TTLL3: variants seen among roughly 807,000 people sequenced by gnomAD.
TTLL3 encodes the protein tubulin tyrosine ligase like 3.
TTLL3 carries 63 observed loss-of-function variants against 75.2 expected under a neutral mutation model. The observed-to-expected ratio is 0.84, with a 90% CI of 0.68 to 1.03. The LOEUF is 1.03. Among genes scored for constraint, TTLL3 ranks in the 50% least tolerant of loss-of-function variants. TTLL3 has a pLI of 0.00. For synonymous variants in TTLL3, 393 were observed against 418.5 expected (o/e 0.94, Z 0.74); for missense variants, 997 against 1,069.9 (o/e 0.93, Z 0.95).
intron 2 of TTLL3, among the ~76,000 whole-genome samples, chr3:9,811,888 A>G (rs528952169): frequency 1.3e-5 from 2 of 151,958 alleles, no homozygotes; most frequent in African/African-American, 2.4e-5. Context: ...CTTCCTTTCA[A>G]CCTTCCCTGA....
intron 6 of TTLL3, 194 bp from the exon 7 acceptor site, chr3:9,818,628 A>G: frequency 7.1e-7 from 1 of 1,407,462 alleles, no homozygotes; most frequent in Non-Finnish European, 9.3e-7. Flanking sequence ...TCAGCCTCCC[A>G]AAGTGCTGGG....
chr3:9,833,255 C>T lies in TTLL3; in HGVS notation c.1825+10C>T, dbSNP rs781392980. On this transcript the variant is annotated intron_variant, in intron 12 of 13. Coordinates refer to ENST00000685419, the MANE Select transcript of TTLL3 (RefSeq NM_001387446.1). ...CGAGGCTCTGGGGAAGGCAAGGACT[C>T]GGGGACCCCTACCCACAGGTCAGCT... is the stretch of plus-strand genomic sequence containing the variant. 2.5e-6 allele frequency: 4 copies of T among 1,613,280 alleles called. No homozygotes were observed. The highest frequency in any genetic ancestry group is 1.1e-5 in the South Asian group (1 of 91,040).
chr3:9,819,205 C>T lies in TTLL3; in HGVS notation c.658+285C>T, dbSNP rs528400548. 6.8e-6 allele frequency: 3 copies of T among 441,302 alleles called. No individual in the cohort carries two copies. The East Asian group carries it at 1.3e-4, about 19-fold the overall frequency. 27.3% of individuals were successfully genotyped at this position (441,302 alleles called of 1,614,324 possible). A position where few individuals can be genotyped will look rare whatever the true frequency, so the allele number is the denominator to read the frequency against. On this transcript the variant is annotated intron_variant, in intron 7 of 13. Transcript: ENST00000685419. ...ACCCATTGTTAATCTCGTCATTCAT[C>T]TACCTGATGTCAGCTCCATACTCCC...
intron 2 of TTLL3, 127 bp from the exon 3 acceptor site, chr3:9,812,816 T>C: frequency 9.0e-7 from 1 of 1,107,978 alleles, no homozygotes; most frequent in East Asian, 2.7e-5. Flanking sequence ...AGTCTGTTTA[T>C]TTCTCCTAAT....
At chr3:9,832,894 G>T (rs2081696093) in intron 11 of TTLL3, among the ~76,000 whole-genome samples, 1 of 152,190 alleles carries the variant, frequency 6.6e-6, no homozygotes, top group African/African-American at 2.4e-5. Flanking sequence ...ACATGGCTAG[G>T]ATTCCCCCTT....
chr3:9,827,211 G>A lies in TTLL3; in HGVS notation c.1218G>A (p.Thr406=), dbSNP rs765125832. The change falls in exon 10 of 14, where the codon ACG becomes ACA. Residue 406 remains threonine (T), a synonymous_variant. Transcript: ENST00000685419. ...FYRDSYIRFS[T]QPFSLKNLDN... is the part of the protein sequence containing the mutation. ...GCGACAGCTATATCCGCTTTTCCAC[G>A]CAGCCCTTCTCCCTGAAGAACCTGG... is the stretch of plus-strand genomic sequence containing the variant. 15 of 1,614,028 alleles carry A rather than the reference G, an allele frequency of 9.3e-6. No individual in the cohort carries two copies. The highest frequency in any genetic ancestry group is 1.7e-5 in the Admixed American group (1 of 60,008).
At position 9,810,751 on chromosome 3, in the gene TTLL3, C is replaced by G. The variant is rs1468331110; in HGVS notation, c.48+42C>G. The G allele has an allele frequency of 1.3e-6, 2 of 1,530,772 alleles. No homozygotes were observed. Among genetic ancestry groups the G allele is most frequent in the Non-Finnish European group, 1.8e-6 (2 of 1,130,390 alleles). The allele number at this position is 1,530,772 out of a possible 1,614,324, so 94.8% of individuals were successfully genotyped here. ...GGGCGCTTAGAAAGGGCCCTGGGAG[C>G]GGCTCAGCCTGTCTCCCTGCGCTGT... On this transcript the variant is annotated intron_variant, in intron 2 of 13. Coordinates refer to ENST00000685419, the MANE Select transcript of TTLL3 (RefSeq NM_001387446.1). This position sits in a 1 kb window ranked among gnomAD's most constrained non-coding sequence, Gnocchi z 4.4.
intron 8 of TTLL3, among the ~76,000 whole-genome samples, chr3:9,822,126 C>T (rs1168571961): frequency 1.4e-4 from 16 of 116,926 alleles, no homozygotes; most frequent in East Asian, 9.7e-4. Flanking sequence ...AGTGCAGTGA[C>T]GTGATCTCGG....
intron 8 of TTLL3, among the ~76,000 whole-genome samples, chr3:9,823,764 A>G (rs2080748673): frequency 6.6e-6 from 1 of 152,206 alleles, no homozygotes; most frequent in African/African-American, 2.4e-5. Flanking sequence ...ATGACTGGAG[A>G]CACTCAAGAT....
intron 4 of TTLL3, 21 bp downstream of exon 4, chr3:9,813,366 G>A: frequency 6.2e-7 from 1 of 1,613,304 alleles, no homozygotes; most frequent in Non-Finnish European, 8.5e-7. Context: ...TGGGGGCCAA[G>A]ATGATACAGG....
chr3:9,825,741 C>T, intron 8 of TTLL3, 59 bp from the exon 9 acceptor site: 1 of 1,613,712 alleles, frequency 6.2e-7, no homozygotes, highest in Non-Finnish European at 8.5e-7. Context: ...TCTCCCCCTG[C>T]CCTCTCCACC....
rs760632800 is a variant in TTLL3 at position 9,836,300 on chromosome 3, C to CA, written c.*826dup. ...TGGGAGACAGAGTGAAACCCTAAAT[C>CA]AAAAAAAAAAAAAAAGGTCTTTGCA... On this transcript the variant is annotated 3_prime_UTR_variant, in exon 14 of 14. Transcript: ENST00000685419. 0.02 allele frequency: 2,148 copies of CA among 107,218 alleles called. 26 individuals carry two copies. The highest frequency in any genetic ancestry group is 0.048 in the African/African-American group (1,378 of 28,870). 6.6% of individuals were successfully genotyped at this position (107,218 alleles called of 1,614,324 possible).
chr3:9,812,100 C>T (rs551190282), intron 2 of TTLL3, among the ~76,000 whole-genome samples: 14 of 152,294 alleles, frequency 9.2e-5, no homozygotes, highest in East Asian at 1.9e-4. Context: ...TGGCCAGACG[C>T]GGTGGCTTAC....
At chr3:9,816,396 G>T (rs13073102) in intron 5 of TTLL3, among the ~76,000 whole-genome samples, 194 bp downstream of exon 5, 1 of 152,152 alleles carries the variant, frequency 6.6e-6, no homozygotes, top group African/African-American at 2.4e-5. Context: ...GGCATTTGTA[G>T]ATATGATGTC....
intron 9 of TTLL3, 146 bp downstream of exon 9, chr3:9,826,094 T>A: frequency 1.5e-6 from 2 of 1,358,556 alleles, no homozygotes; most frequent in Admixed American, 5.4e-5. Context: ...TTCGTGACCT[T>A]GAGCAGGTTT....
At chr3:9,815,396 T>G (rs962625668) in intron 4 of TTLL3, among the ~76,000 whole-genome samples, 1 of 152,168 alleles carries the variant, frequency 6.6e-6, no homozygotes. Flanking sequence ...CCCTACCACA[T>G]AGAATTATGG....
chr3:9,825,453 CAT>C (rs915890452), intron 8 of TTLL3: 5 of 348,034 alleles, frequency 1.4e-5, no homozygotes, highest in Non-Finnish European at 2.8e-5. Context: ...ATGCCTGGCA[CAT>C]AGTGGTGCTT....
At chr3:9,825,333 G>A (rs1192348875) in intron 8 of TTLL3, 6 of 165,736 alleles carry the variant, frequency 3.6e-5, no homozygotes, top group African/African-American at 1.7e-4. Context: ...CCAAGACCCT[G>A]TCTCAAAAAA....
chr3:9,829,076 A>G lies in TTLL3; in HGVS notation c.1364A>G (p.Gln455Arg), dbSNP rs1278723944. Reference sequence around the variant, plus strand: ...AGCCAGAGGTTCCAGGCCCACCTGCAGGAGATGGGTGCCCCAAATGCTTGG... The same window carrying G: ...AGCCAGAGGTTCCAGGCCCACCTGCGGGAGATGGGTGCCCCAAATGCTTGG... ...WSSQRFQAHL[Q>R]EMGAPNAWST... Residue 455 changes from glutamine (Q) to arginine (R), a missense_variant, in exon 11 of 14, where the codon CAG becomes CGG. Gln to Arg is a conservative substitution (Grantham distance 43). Coordinates refer to ENST00000685419, the MANE Select transcript of TTLL3 (RefSeq NM_001387446.1). The G allele has an allele frequency of 1.9e-6, 3 of 1,614,248 alleles. No homozygotes were observed. The highest frequency in any genetic ancestry group is 2.5e-6 in the Non-Finnish European group (3 of 1,180,048).
Sources: allele counts gnomAD v4.1 joint callset (sites outside exome capture counted in the v4.1 genomes callset), GRCh38; gene constraint gnomAD v4.1.1; non-coding constraint Gnocchi (gnomAD v3.1); transcripts MANE v1.5; gene names NCBI Gene and HGNC (gene_info 2026-07-23, HGNC 2026-07-21).